NELL1: variants seen among roughly 807,000 people sequenced by gnomAD.
NELL1 encodes neural EGFL like 1.
Under a neutral mutation model 107.4 loss-of-function variants are expected in NELL1, and 76 were observed. That is an observed-to-expected ratio of 0.71 (90% CI 0.59 to 0.86). The LOEUF is 0.86. Among genes scored for constraint, NELL1 ranks in the 40% least tolerant of loss-of-function variants. The probability of loss-of-function intolerance (pLI) is 0.00; values close to 1 mark genes in which losing one functional copy is unlikely to be tolerated. For missense variants in NELL1, 1,024 were observed against 1,005.5 expected (o/e 1.02, Z -0.25); for synonymous variants, 353 against 341.2 (o/e 1.03, Z -0.38).
At chr11:21,406,565 T>C (rs1852241513) in intron 15 of NELL1, among the ~76,000 whole-genome samples, 1 of 152,052 alleles carries the variant, frequency 6.6e-6, no homozygotes, top group African/African-American at 2.4e-5. Context: ...ATTGAGCTTC[T>C]TGTCCAAGGT....
chr11:21,206,175 A>G (rs954593310), intron 13 of NELL1, among the ~76,000 whole-genome samples: 4 of 152,268 alleles, frequency 2.6e-5, no homozygotes, highest in Admixed American at 6.5e-5. Context: ...TCAACAGGTC[A>G]TACTCTCTCC....
intron 16 of NELL1, among the ~76,000 whole-genome samples, chr11:21,546,340 T>C (rs1856441867): frequency 6.6e-6 from 1 of 152,020 alleles, no homozygotes; most frequent in African/African-American, 2.4e-5. Flanking sequence ...AATTGTTTCA[T>C]TACAGAAACT....
intron 13 of NELL1, among the ~76,000 whole-genome samples, chr11:21,153,730 TCTC>T (rs1259690905): frequency 6.6e-6 from 1 of 152,180 alleles, no homozygotes; most frequent in African/African-American, 2.4e-5. Context: ...TAGATGTTAT[TCTC>T]CTTTTACCAG....
At chr11:21,050,659 T>C (rs938515519) in intron 12 of NELL1, among the ~76,000 whole-genome samples, 2 of 152,176 alleles carry the variant, frequency 1.3e-5, no homozygotes, top group Non-Finnish European at 2.9e-5. Context: ...AAATGTTTTC[T>C]CTGTTAATGT....
chr11:21,382,125 C>T (rs1480551647), intron 15 of NELL1, among the ~76,000 whole-genome samples: 1 of 151,750 alleles, frequency 6.6e-6, no homozygotes, highest in African/African-American at 2.4e-5. Context: ...GAAAGGCAAA[C>T]ATTCTAATTC....
At chr11:20,975,427 T>C (rs985201257) in intron 12 of NELL1, among the ~76,000 whole-genome samples, 2 of 151,152 alleles carry the variant, frequency 1.3e-5, no homozygotes, top group African/African-American at 4.9e-5. Flanking sequence ...ATCCACTGTT[T>C]ATTGTATGAT....
chr11:20,908,525 G>A (rs961718351), intron 5 of NELL1, among the ~76,000 whole-genome samples: 1 of 151,988 alleles, frequency 6.6e-6, no homozygotes, highest in Non-Finnish European at 1.5e-5. Flanking sequence ...TGGGCACAGA[G>A]AGGGGAACAT....
intron 4 of NELL1, among the ~76,000 whole-genome samples, chr11:20,877,559 A>G (rs890836398): frequency 6.6e-6 from 1 of 152,216 alleles, no homozygotes; most frequent in African/African-American, 2.4e-5. Flanking sequence ...CAGAATATAG[A>G]CTAGTCTTTT....
chr11:21,196,512 C>G (rs1184484691), intron 13 of NELL1, among the ~76,000 whole-genome samples: 3 of 152,040 alleles, frequency 2.0e-5, no homozygotes, highest in Admixed American at 6.6e-5. Context: ...TGGGAACACC[C>G]CAGGATAATC....
intron 9 of NELL1, among the ~76,000 whole-genome samples, chr11:20,930,291 G>C (rs1191664190): frequency 1.3e-5 from 2 of 152,060 alleles, no homozygotes; most frequent in African/African-American, 4.8e-5. Flanking sequence ...CTTTTTTTAA[G>C]AAAAATTACA....
chr11:21,178,586 G>T lies in NELL1; in HGVS notation c.1427-50746G>T, dbSNP rs543709432. 3.3e-5 allele frequency among the ~76,000 whole-genome samples: 5 copies of T among 151,524 alleles called. No homozygotes were observed. The South Asian group carries it at 1.0e-3, about 31-fold the overall frequency. On this transcript the variant is annotated intron_variant, in intron 13 of 19. Transcript: ENST00000357134. ...GTTTGAGACCAGCCCAGGCAATATA[G>T]TGAAACCTCATCTCTACAAAAATTT...
At chr11:20,808,585 T>C (rs1479732763) in intron 3 of NELL1, among the ~76,000 whole-genome samples, 1 of 152,218 alleles carries the variant, frequency 6.6e-6, no homozygotes, top group Non-Finnish European at 1.5e-5. Flanking sequence ...TATTAGGACT[T>C]GCCTACGAGT....
At chr11:20,716,255 C>A (rs1208006384) in intron 2 of NELL1, among the ~76,000 whole-genome samples, 1 of 152,216 alleles carries the variant, frequency 6.6e-6, no homozygotes, top group South Asian at 2.1e-4. Context: ...ACTATTGACC[C>A]CTGGGTATAT....
chr11:21,520,123 C>T (rs374187552), intron 15 of NELL1, among the ~76,000 whole-genome samples: 15 of 152,210 alleles, frequency 9.9e-5, no homozygotes, highest in East Asian at 5.8e-4. Flanking sequence ...TGATTTCTTC[C>T]GCCAATACAT....
At chr11:20,937,229 C>T (rs1409842879) in intron 9 of NELL1, among the ~76,000 whole-genome samples, 2 of 152,224 alleles carry the variant, frequency 1.3e-5, no homozygotes, top group Admixed American at 6.5e-5. Context: ...TTTGAACTCA[C>T]CTTTCCAAAG....
At chr11:21,255,325 A>C (rs1050748884) in intron 14 of NELL1, among the ~76,000 whole-genome samples, 2 of 152,066 alleles carry the variant, frequency 1.3e-5, no homozygotes, top group African/African-American at 4.8e-5. Context: ...TTGTTCTTTT[A>C]GTGATGGAAA....
At chr11:21,076,278 G>A (rs942638632) in intron 12 of NELL1, among the ~76,000 whole-genome samples, 3 of 152,186 alleles carry the variant, frequency 2.0e-5, no homozygotes, top group Non-Finnish European at 2.9e-5. Context: ...ATGGAGTCAG[G>A]GTTTCCCCTC....
At chr11:21,297,502 C>G (rs1199226948) in intron 14 of NELL1, among the ~76,000 whole-genome samples, 1 of 152,016 alleles carries the variant, frequency 6.6e-6, no homozygotes, top group Non-Finnish European at 1.5e-5. Flanking sequence ...TTCCAGTGTG[C>G]AGGTTGTGAT....
intron 2 of NELL1, among the ~76,000 whole-genome samples, chr11:20,717,532 G>T (rs114927194): frequency 6.6e-6 from 1 of 152,124 alleles, no homozygotes; most frequent in East Asian, 1.9e-4. Flanking sequence ...GAAAAATGAA[G>T]TGAGGAAGTT....
Sources: gnomAD v4.1 joint callset for allele counts (sites outside exome capture counted in the v4.1 genomes callset) on GRCh38, gnomAD v4.1.1 for gene constraint, MANE v1.5 for transcripts, NCBI Gene and HGNC (gene_info 2026-07-23, HGNC 2026-07-21) for gene names.